The following SLC24A2 variants were observed in gnomAD, a reference collection of about 807,000 sequenced individuals.
SLC24A2 encodes solute carrier family 24 member 2.
Under a neutral mutation model 62.0 loss-of-function variants are expected in SLC24A2, and 36 were observed. That is an observed-to-expected ratio of 0.58 (90% CI 0.44 to 0.77). SLC24A2 has a LOEUF of 0.77. SLC24A2 is among the 30% of genes least tolerant of loss of function. The probability of loss-of-function intolerance (pLI) is 0.00; values close to 1 mark genes in which losing one functional copy is unlikely to be tolerated. For synonymous variants in SLC24A2, 358 were observed against 294.0 expected, an observed-to-expected ratio of 1.22 and a Z score of -2.23; for missense variants, 846 against 817.9, an observed-to-expected ratio of 1.03 and a Z score of -0.42.
At chr9:20,007,456 A>G in the SLC24A2 span, among the ~76,000 whole-genome samples, 1 of 152,158 alleles carries the variant, frequency 6.6e-6, no homozygotes, top group Non-Finnish European at 1.5e-5. Context: ...AGTCTAATCT[A>G]GGTTCTCAGG....
chr9:20,126,639 T>G, the SLC24A2 span, among the ~76,000 whole-genome samples: 1 of 152,126 alleles, frequency 6.6e-6, no homozygotes, highest in African/African-American at 2.4e-5. Context: ...GAGTGAGGCT[T>G]TAAGGATCAA....
At chr9:20,126,613 G>T in the SLC24A2 span, among the ~76,000 whole-genome samples, 14 of 152,176 alleles carry the variant, frequency 9.2e-5, no homozygotes, top group Non-Finnish European at 1.8e-4. Flanking sequence ...CCAAAGTTAG[G>T]GAAAGTGCCG....
At chr9:19,900,998 C>A in the SLC24A2 span, among the ~76,000 whole-genome samples, 1 of 152,222 alleles carries the variant, frequency 6.6e-6, no homozygotes, top group Non-Finnish European at 1.5e-5. Flanking sequence ...CTTGTGGTCA[C>A]AATCCAATGC....
the SLC24A2 span, among the ~76,000 whole-genome samples, chr9:20,072,475 G>C: frequency 6.6e-6 from 1 of 151,994 alleles, no homozygotes; most frequent in African/African-American, 2.4e-5. Context: ...TCTTATCTAG[G>C]AACTATGGAC....
At chr9:20,221,740 A>G in the SLC24A2 span, among the ~76,000 whole-genome samples, 1 of 152,084 alleles carries the variant, frequency 6.6e-6, no homozygotes, top group African/African-American at 2.4e-5. Flanking sequence ...ACTTTTCCTT[A>G]ACTACAGTCA....
At chr9:19,848,092 T>A in the SLC24A2 span, among the ~76,000 whole-genome samples, 2 of 152,228 alleles carry the variant, frequency 1.3e-5, no homozygotes, top group African/African-American at 4.8e-5. Flanking sequence ...TCTTGCCTTA[T>A]TATTTTAACT....
rs1433258673 is a variant in SLC24A2 at position 19,675,491 on chromosome 9, G to C, written c.931-53192C>G. On this transcript the variant is annotated intron_variant, in intron 2 of 10. Transcript: ENST00000341998. ...GACCATCAGGTGTAAGCATGGTTAGGTGTGTCTGAGCTCAGACTCTTTTCG... is the reference window on the plus strand; with the variant it reads ...GACCATCAGGTGTAAGCATGGTTAGCTGTGTCTGAGCTCAGACTCTTTTCG... Among the ~76,000 whole-genome samples the C allele has an allele frequency of 2.0e-5, 3 of 152,144 alleles. No homozygotes were observed. In the East Asian group the frequency reaches 5.8e-4, roughly 29 times the overall value.
the SLC24A2 span, among the ~76,000 whole-genome samples, chr9:19,807,037 G>C: frequency 6.6e-6 from 1 of 152,142 alleles, no homozygotes; most frequent in Non-Finnish European, 1.5e-5. Flanking sequence ...GACACTGAAA[G>C]AGAAAACATA....
chr9:19,998,128 T>C, the SLC24A2 span, among the ~76,000 whole-genome samples: 7 of 152,336 alleles, frequency 4.6e-5, no homozygotes, highest in East Asian at 9.6e-4. Flanking sequence ...ATTGTCTCAA[T>C]TGGTCTTCAC....
chr9:19,754,645 G>C (rs994870597), intron 2 of SLC24A2, among the ~76,000 whole-genome samples: 3 of 138,786 alleles, frequency 2.2e-5, no homozygotes, highest in Non-Finnish European at 4.9e-5. Context: ...ATCATGGGAG[G>C]ATTTTTTTTT....
chr9:20,160,211 T>G, the SLC24A2 span, among the ~76,000 whole-genome samples: 109 of 151,570 alleles, frequency 7.2e-4, 4 homozygotes, highest in South Asian at 0.021. Context: ...TACTTTATAG[T>G]GCTAAAAGCT....
intron 2 of SLC24A2, among the ~76,000 whole-genome samples, chr9:19,631,557 T>G (rs1005003516): frequency 6.6e-6 from 1 of 152,198 alleles, no homozygotes; most frequent in Non-Finnish European, 1.5e-5. Flanking sequence ...ATTACACATC[T>G]TTATACTTCC....
the SLC24A2 span, among the ~76,000 whole-genome samples, chr9:19,934,684 C>A: frequency 6.6e-6 from 1 of 152,196 alleles, no homozygotes. The surrounding 1 kb of genome is among the most constrained non-coding windows in gnomAD (Gnocchi z 4.1). Flanking sequence ...GGGAAAATCG[C>A]GGCGAAGAGC....
chr9:19,933,577 A>G, the SLC24A2 span, among the ~76,000 whole-genome samples: 4 of 152,200 alleles, frequency 2.6e-5, no homozygotes, highest in African/African-American at 7.2e-5. Context: ...TCCTTTCAAA[A>G]GATTCCACAG....
chr9:19,896,894 T>C, the SLC24A2 span, among the ~76,000 whole-genome samples: 1 of 152,252 alleles, frequency 6.6e-6, no homozygotes, highest in African/African-American at 2.4e-5. Context: ...GTTATGCATG[T>C]CATGTTATGA....
At chr9:19,974,796 C>G in the SLC24A2 span, among the ~76,000 whole-genome samples, 1 of 152,166 alleles carries the variant, frequency 6.6e-6, no homozygotes, top group African/African-American at 2.4e-5. Flanking sequence ...GAAACTAGGT[C>G]TGTAAAAGTA....
At chr9:19,792,614 A>AG (rs1823332681), upstream of SLC24A2, among the ~76,000 whole-genome samples, 1 of 150,600 alleles carries the variant, frequency 6.6e-6, no homozygotes, top group Non-Finnish European at 1.5e-5. Context: ...AGGTTGAGGT[A>AG]GGAGAATCAC....
chr9:20,279,596 G>T, the SLC24A2 span, among the ~76,000 whole-genome samples: 1 of 152,324 alleles, frequency 6.6e-6, no homozygotes, highest in Admixed American at 6.5e-5. Flanking sequence ...GATATTGCAA[G>T]TCCATCAACA....
At chr9:19,668,856 C>T (rs867189322) in intron 2 of SLC24A2, among the ~76,000 whole-genome samples, 51 of 152,156 alleles carry the variant, frequency 3.4e-4, no homozygotes, top group African/African-American at 9.6e-4. Flanking sequence ...AGGTCTTTTT[C>T]ATTTTTCTGT....
Sources: gnomAD v4.1 joint callset for allele counts (sites outside exome capture counted in the v4.1 genomes callset) on GRCh38, gnomAD v4.1.1 for gene constraint, Gnocchi (gnomAD v3.1) non-coding constraint, MANE v1.5 for transcripts, NCBI Gene and HGNC (gene_info 2026-07-23, HGNC 2026-07-21) for gene names.